PLXNA2: variants seen among roughly 807,000 people sequenced by gnomAD.
The protein encoded by PLXNA2 is plexin A2.
A neutral mutation model predicts 193.5 loss-of-function variants in PLXNA2; 91 were observed. The observed-to-expected ratio is 0.47, with a 90% confidence interval of 0.40 to 0.56. PLXNA2 has a LOEUF of 0.56. Among genes scored for constraint, PLXNA2 ranks in the 20% least tolerant of loss-of-function variants. The probability of loss-of-function intolerance (pLI) is 0.00; values close to 1 mark genes in which losing one functional copy is unlikely to be tolerated. For missense variants in PLXNA2, 1,995 were observed against 2,503.2 expected, an observed-to-expected ratio of 0.80 and a Z score of 4.33; for synonymous variants, 997 against 1,027.3, an observed-to-expected ratio of 0.97 and a Z score of 0.56.
At chr1:208,176,730 C>A (rs1669673017) in intron 3 of PLXNA2, among the ~76,000 whole-genome samples, 1 of 152,234 alleles carries the variant, frequency 6.6e-6, no homozygotes, top group African/African-American at 2.4e-5. Context: ...CAAAATGACA[C>A]ATCTGATTAC....
chr1:208,092,343 T>C (rs1396155609), intron 9 of PLXNA2, among the ~76,000 whole-genome samples: 6 of 152,168 alleles, frequency 3.9e-5, no homozygotes, highest in Non-Finnish European at 5.9e-5. Flanking sequence ...CAAAGAATCA[T>C]TGAATTTTAG....
intron 1 of PLXNA2, among the ~76,000 whole-genome samples, chr1:208,229,662 G>C (rs1671624809): frequency 6.6e-6 from 1 of 152,166 alleles, no homozygotes; most frequent in South Asian, 2.1e-4. Flanking sequence ...AAGAAAGATG[G>C]AGAAGAATGG....
Position 208,217,147 on chromosome 1 carries a change from T to C in PLXNA2, c.776A>G (p.Gln259Arg). 1 of 1,614,140 alleles carries C rather than the reference T, an allele frequency of 6.2e-7. No individual in the cohort carries two copies. Among genetic ancestry groups the C allele is most frequent in the African/African-American group, 1.3e-5 (1 of 75,032 alleles). Residue 259 changes from glutamine to arginine, a missense_variant, in exon 2 of 32, where the codon CAG becomes CGG. Around this residue, in one of 3 missense-constraint regions of PLXNA2, gnomAD observed 702 missense variants for 812.9 expected, o/e 0.86. Transcript: ENST00000367033. This position sits in a 1 kb window ranked among gnomAD's most constrained non-coding sequence, Gnocchi z 4.7. ...GGCCACACCCTCAGGGGTCTCGGGCTGGACAGTGAGAAAGTAGACAAAGCC... is the reference window on the plus strand; with the variant it reads ...GGCCACACCCTCAGGGGTCTCGGGCCGGACAGTGAGAAAGTAGACAAAGCC... The part of the protein sequence containing the change: ...SGGFVYFLTV[Q>R]PETPEGVAIN...
chr1:208,180,020 C>T (rs1207769943), intron 3 of PLXNA2, among the ~76,000 whole-genome samples: 1 of 152,166 alleles, frequency 6.6e-6, no homozygotes, highest in African/African-American at 2.4e-5. Flanking sequence ...CTGGCTGCCT[C>T]CTGCCCCGCC....
chr1:208,239,076 A>T (rs1056783275), intron 1 of PLXNA2, among the ~76,000 whole-genome samples: 3 of 151,452 alleles, frequency 2.0e-5, no homozygotes, highest in African/African-American at 7.3e-5. Flanking sequence ...TGGCAATAGG[A>T]CCCTACCAGT....
intron 3 of PLXNA2, among the ~76,000 whole-genome samples, chr1:208,194,419 A>C (rs1446179272): frequency 1.3e-5 from 2 of 149,546 alleles, no homozygotes; most frequent in Non-Finnish European, 3.0e-5. Flanking sequence ...GGTTTATGAG[A>C]TTAAAGCCCA....
At chr1:208,112,317 A>G (rs1667506800) in intron 4 of PLXNA2, among the ~76,000 whole-genome samples, 1 of 152,178 alleles carries the variant, frequency 6.6e-6, no homozygotes, top group South Asian at 2.1e-4. Flanking sequence ...CATATTTTGT[A>G]CTGGTTTTGC....
chr1:208,136,700 G>C (rs945425241), intron 4 of PLXNA2, among the ~76,000 whole-genome samples: 1 of 152,232 alleles, frequency 6.6e-6, no homozygotes, highest in African/African-American at 2.4e-5. Context: ...GCTCAGTGCT[G>C]TCATTTGGCC....
intron 3 of PLXNA2, among the ~76,000 whole-genome samples, chr1:208,208,742 G>A (rs183942445): frequency 1.7e-4 from 26 of 152,292 alleles, no homozygotes; most frequent in Admixed American, 1.5e-3. Flanking sequence ...CCTATGGGTA[G>A]ATGACTTAGT....
At chr1:208,063,465 T>G (rs1027089872) in intron 12 of PLXNA2, among the ~76,000 whole-genome samples, 9 of 152,166 alleles carry the variant, frequency 5.9e-5, no homozygotes, top group African/African-American at 2.2e-4. Flanking sequence ...TTTTTTTGGG[T>G]AAATTATTGG....
At chr1:208,073,258 A>G (rs913308735) in intron 12 of PLXNA2, among the ~76,000 whole-genome samples, 11 of 152,180 alleles carry the variant, frequency 7.2e-5, no homozygotes, top group Non-Finnish European at 1.2e-4. Flanking sequence ...TGTCCTCATT[A>G]ACAGAAGACC....
chr1:208,030,897 T>C, intron 29 of PLXNA2: 1 of 985,784 alleles, frequency 1.0e-6, no homozygotes, highest in Non-Finnish European at 1.2e-6. Context: ...CCCATGAGGA[T>C]AAAGTCTCAT....
chr1:208,145,699 T>A (rs977653667), intron 3 of PLXNA2, among the ~76,000 whole-genome samples: 2 of 152,168 alleles, frequency 1.3e-5, no homozygotes, highest in Non-Finnish European at 1.5e-5. Context: ...CTGCATTCGG[T>A]CAGGACCAAT....
In PLXNA2 at chr1:208,054,471, C is replaced by G. The variant is rs770455227; in HGVS notation, c.2806G>C (p.Glu936Gln). 6.2e-7 allele frequency: 1 copy of G among 1,614,226 alleles called. No homozygotes were observed. Among genetic ancestry groups the G allele is most frequent in the Non-Finnish European group, 8.5e-7 (1 of 1,180,020 alleles). ...TSGPVRLCIG[E>Q]CKPEFMTKSH... The stretch of plus-strand genomic sequence containing the variant: ...TTCGTCATGAACTCTGGCTTACACT[C>G]GCCAATACACAGGCGTACTGGCCCG... The change falls in exon 14 of 32, where the codon GAG becomes CAG. Residue 936 changes from glutamate to glutamine, a missense_variant. Glu to Gln is a conservative substitution (Grantham distance 29). Around this residue, in one of 3 missense-constraint regions of PLXNA2, gnomAD observed 1,291 missense variants for 1,673.6 expected, o/e 0.77. Coordinates refer to ENST00000367033, the MANE Select transcript of PLXNA2 (RefSeq NM_025179.4).
chr1:208,097,932 G>C (rs972532941), intron 6 of PLXNA2, among the ~76,000 whole-genome samples: 5 of 151,982 alleles, frequency 3.3e-5, no homozygotes, highest in Non-Finnish European at 7.4e-5. Context: ...TTGAGCTTCT[G>C]GGCTCAAGCA....
chr1:208,128,398 G>A (rs1668037341), intron 4 of PLXNA2, among the ~76,000 whole-genome samples: 1 of 152,312 alleles, frequency 6.6e-6, no homozygotes, highest in East Asian at 1.9e-4. Context: ...ATGGCTGAGG[G>A]TTTGGCTCTC....
chr1:208,109,889 C>T (rs946680702), intron 4 of PLXNA2, among the ~76,000 whole-genome samples: 1 of 152,252 alleles, frequency 6.6e-6, no homozygotes, highest in Non-Finnish European at 1.5e-5. Flanking sequence ...CACCCTACAG[C>T]TCCTAGTACC....
chr1:208,086,496 C>A (rs1310427231), intron 9 of PLXNA2, among the ~76,000 whole-genome samples: 2 of 152,014 alleles, frequency 1.3e-5, no homozygotes, highest in East Asian at 1.9e-4. Context: ...TTACTACTGA[C>A]AATTTCTGAA....
intron 21 of PLXNA2, 71 bp downstream of exon 21, chr1:208,042,990 C>A: frequency 1.3e-6 from 2 of 1,521,820 alleles, no homozygotes; most frequent in South Asian, 1.2e-5. Context: ...TGCTGAGTCT[C>A]ATCTGGATTT....
Sources: allele counts gnomAD v4.1 joint callset (sites outside exome capture counted in the v4.1 genomes callset), GRCh38; gene constraint gnomAD v4.1.1; regional missense constraint gnomAD v4.1.1; non-coding constraint Gnocchi (gnomAD v3.1); transcripts MANE v1.5; gene names NCBI Gene and HGNC (gene_info 2026-07-23, HGNC 2026-07-21).